PPP6R2: variants seen among roughly 807,000 people sequenced by gnomAD.
PPP6R2 encodes protein phosphatase 6 regulatory subunit 2.
In PPP6R2, 62 loss-of-function variants were observed where a neutral mutation model predicts 100.2. That is an observed-to-expected ratio of 0.62 (90% confidence interval 0.50 to 0.76). PPP6R2 has a LOEUF of 0.76. Ranked by LOEUF, PPP6R2 falls within the 30% of genes least tolerant of loss-of-function variation. The pLI, the probability that PPP6R2 is intolerant of heterozygous loss-of-function variation, is 0.00. For synonymous variants in PPP6R2, 525 were observed against 514.7 expected, an observed-to-expected ratio of 1.02 and a Z score of -0.27; for missense variants, 1,142 against 1,276.3, an observed-to-expected ratio of 0.89 and a Z score of 1.60.
At chr22:50,377,730 C>G (rs2051913552) in intron 2 of PPP6R2, among the ~76,000 whole-genome samples, 1 of 152,088 alleles carries the variant, frequency 6.6e-6, no homozygotes, top group Admixed American at 6.6e-5. Context: ...AGATTTAGGC[C>G]AGGCGCGGTG....
upstream of PPP6R2, among the ~76,000 whole-genome samples, chr22:50,339,501 TTG>T (rs769236140): frequency 1.6e-4 from 18 of 114,642 alleles, no homozygotes; most frequent in East Asian, 8.2e-4. Context: ...AGGGTGTGTG[TTG>T]TGTGTGTGGT....
At chr22:50,428,519 T>C (rs1349192161) in intron 10 of PPP6R2, among the ~76,000 whole-genome samples, 1 of 152,110 alleles carries the variant, frequency 6.6e-6, no homozygotes, top group Admixed American at 6.6e-5. Flanking sequence ...AAGACCAGCC[T>C]GGGCAACATA....
intron 2 of PPP6R2, among the ~76,000 whole-genome samples, chr22:50,388,367 C>G (rs1022457522): frequency 2.7e-5 from 4 of 145,632 alleles, no homozygotes; most frequent in Non-Finnish European, 4.5e-5. Context: ...ACACTCCAGC[C>G]TTGGCAACAG....
intron 1 of PPP6R2, among the ~76,000 whole-genome samples, chr22:50,370,048 C>A: frequency 7.3e-6 from 1 of 136,756 alleles, no homozygotes; most frequent in South Asian, 2.3e-4. Context: ...CACATCCCAC[C>A]TTTTTGATTT....
rs1418709995 is a variant in PPP6R2, at chr22:50,428,448, T to C, written c.1126-2725T>C. On this transcript the variant is annotated intron_variant, in intron 10 of 23. Coordinates refer to ENST00000612753, the MANE Select transcript of PPP6R2 (RefSeq NM_001242898.2). Reference sequence around the variant, plus strand: ...ATATCAGGTCAGGTGTGGTGGCTCATGTTTGTAATCCCAGCACTTTGGGAG... The same window carrying C: ...ATATCAGGTCAGGTGTGGTGGCTCACGTTTGTAATCCCAGCACTTTGGGAG... Among the ~76,000 whole-genome samples, 6 of 152,244 alleles carry C rather than the reference T, an allele frequency of 3.9e-5. No individual in the cohort carries two copies. In the East Asian group the frequency reaches 1.2e-3, roughly 29 times the overall value.
upstream of PPP6R2, among the ~76,000 whole-genome samples, chr22:50,338,706 GGGTGTGT>G (rs1482793403): frequency 8.0e-6 from 1 of 124,582 alleles, no homozygotes; most frequent in Non-Finnish European, 1.7e-5. Flanking sequence ...GGTGTGTGTA[GGGTGTGT>G]GGTGTGTGTG....
chr22:50,339,370 C>T (rs1322221936), upstream of PPP6R2, among the ~76,000 whole-genome samples: 2 of 34,620 alleles, frequency 5.8e-5, no homozygotes, highest in South Asian at 9.3e-4. Flanking sequence ...GTGTGTGTGG[C>T]TTGCGTGTGG....
At chr22:50,365,468 G>A (rs1285476519) in intron 1 of PPP6R2, among the ~76,000 whole-genome samples, 2 of 151,982 alleles carry the variant, frequency 1.3e-5, no homozygotes, top group African/African-American at 4.8e-5. Context: ...CATGAGGTCA[G>A]GAGATCGAGA....
intron 10 of PPP6R2, among the ~76,000 whole-genome samples, chr22:50,428,800 A>T (rs2062637772): frequency 1.3e-5 from 2 of 151,974 alleles, no homozygotes; most frequent in South Asian, 2.1e-4. Flanking sequence ...TACCATTTGG[A>T]TGCCTTTTAT....
At chr22:50,361,333 C>T (rs1222061397) in intron 1 of PPP6R2, among the ~76,000 whole-genome samples, 1 of 152,196 alleles carries the variant, frequency 6.6e-6, no homozygotes. Context: ...CTTACTAGCC[C>T]ATGACGTTGC....
upstream of PPP6R2, among the ~76,000 whole-genome samples, chr22:50,339,757 GTGTGGTGTGTGTGGTA>G (rs1400075079): frequency 2.4e-5 from 3 of 126,064 alleles, no homozygotes; most frequent in African/African-American, 7.2e-5. Flanking sequence ...ATGTGGTGGT[GTGTGGTGTGTGTGGTA>G]TGTGGTGTGT....
rs188336273 is a variant in PPP6R2, at chr22:50,379,246, A to G, written c.-17+7096A>G. Among the ~76,000 whole-genome samples the G allele has an allele frequency of 3.6e-3, 555 of 152,316 alleles. 4 individuals carry two copies. The highest frequency in any genetic ancestry group is 5.8e-3 in the Non-Finnish European group (394 of 68,032). ...CACAGTGATTCATGCCTGTAATCCC[A>G]GCACTTTGAGAGGCTAAGAAGGGTG... is the stretch of plus-strand genomic sequence containing the variant. On this transcript the variant is annotated intron_variant, in intron 2 of 23. Transcript: ENST00000612753.
At chr22:50,391,042 T>C (rs1012345870) in intron 2 of PPP6R2, among the ~76,000 whole-genome samples, 1 of 150,678 alleles carries the variant, frequency 6.6e-6, no homozygotes, top group Admixed American at 6.6e-5. Context: ...ATGCAGTGGC[T>C]CACATCTGTA....
At chr22:50,339,900 TGTGTGTGGTATGTGGTGTGTGTGTGGG>T (rs2042352443), upstream of PPP6R2, among the ~76,000 whole-genome samples, 1 of 98,862 alleles carries the variant, frequency 1.0e-5, no homozygotes, top group South Asian at 3.6e-4. Context: ...GGGTGTGTGG[TGTGTGTGGTATGTGGTGTGTGTGTGGG>T]GTGTGTGGTG....
chr22:50,380,468 C>A (rs1294206002), intron 2 of PPP6R2, among the ~76,000 whole-genome samples: 1 of 151,592 alleles, frequency 6.6e-6, no homozygotes, highest in Non-Finnish European at 1.5e-5. Flanking sequence ...TCAAGTGATT[C>A]TCCTGCTTCA....
chr22:50,432,256 G>A lies in PPP6R2; in HGVS notation c.1336-9G>A, dbSNP rs547728977. 114 of 1,549,350 alleles carry A rather than the reference G, an allele frequency of 7.4e-5. No homozygotes were observed. The highest frequency in any genetic ancestry group is 2.0e-4 in the Middle Eastern group (1 of 5,062). ...CTGACTCACGCTGTCCCCCTGCCCC[G>A]CCCCCCAGCTGTTCCAGAAGTGCTG... is the stretch of plus-strand genomic sequence containing the variant. On this transcript the variant is annotated splice_polypyrimidine_tract_variant and intron_variant, in intron 11 of 23. Transcript: ENST00000612753.
chr22:50,433,070 C>T (rs2063471142), intron 12 of PPP6R2, among the ~76,000 whole-genome samples: 1 of 152,282 alleles, frequency 6.6e-6, no homozygotes, highest in Non-Finnish European at 1.5e-5. Context: ...TGTCTGTTTC[C>T]TCATCTGTCT....
chr22:50,370,357 G>A (rs149257167), intron 1 of PPP6R2, among the ~76,000 whole-genome samples: 95 of 152,112 alleles, frequency 6.2e-4, no homozygotes, highest in African/African-American at 1.4e-3. Flanking sequence ...GCGCGATCTC[G>A]GCTCACTGCA....
At position 50,423,621 on chromosome 22, in the gene PPP6R2, G is replaced by A. The variant is rs777461237; in HGVS notation, c.1125+7G>A. On this transcript the variant is annotated splice_region_variant and intron_variant, in intron 10 of 23. Coordinates refer to ENST00000612753, the MANE Select transcript of PPP6R2 (RefSeq NM_001242898.2). The surrounding 1 kb of genome is among the most constrained non-coding windows in gnomAD (Gnocchi z 4.8). ...CACGATGGACTTACTGCTGGTAAGT[G>A]GGCCCCTCAGCCAGCCCTGCATGTC... 3 of 1,613,990 alleles carry A rather than the reference G, an allele frequency of 1.9e-6. No individual in the cohort carries two copies. In the Admixed American group the frequency reaches 5.0e-5, roughly 27 times the overall value.
Sources: gnomAD v4.1 joint callset for allele counts (sites outside exome capture counted in the v4.1 genomes callset) on GRCh38, gnomAD v4.1.1 for gene constraint, Gnocchi (gnomAD v3.1) non-coding constraint, MANE v1.5 for transcripts, NCBI Gene and HGNC (gene_info 2026-07-23, HGNC 2026-07-21) for gene names.